Variants in HIVEP2 observed in about 807,000 individuals in gnomAD.
HIVEP2 encodes HIVEP zinc finger 2.
Under a neutral mutation model 180.7 loss-of-function variants are expected in HIVEP2, and 14 were observed. That is an observed-to-expected ratio of 0.08 (90% CI 0.05 to 0.12). The LOEUF (loss-of-function observed/expected upper bound fraction) is 0.12. Ranked by LOEUF, HIVEP2 falls within the 10% of genes least tolerant of loss-of-function variation. The pLI, the probability that HIVEP2 is intolerant of heterozygous loss-of-function variation, is 1.00. For missense variants in HIVEP2, 2,579 were observed against 3,008.5 expected, an observed-to-expected ratio of 0.86 and a Z score of 3.34; for synonymous variants, 1,184 against 1,136.4, an observed-to-expected ratio of 1.04 and a Z score of -0.84.
chr6:142,839,886 TAGA>T (rs2114889392), intron 1 of HIVEP2, among the ~76,000 whole-genome samples: 1 of 152,244 alleles, frequency 6.6e-6, no homozygotes, highest in South Asian at 2.1e-4. Flanking sequence ...GTCATGCAAC[TAGA>T]AGCAGTTTTC....
chr6:142,889,336 A>T (rs527832000), intron 1 of HIVEP2, among the ~76,000 whole-genome samples: 1 of 152,258 alleles, frequency 6.6e-6, no homozygotes, highest in South Asian at 2.1e-4. Flanking sequence ...GGTGGCATGC[A>T]CCTGTAGCCC....
rs1271197297 is a variant in HIVEP2, at chr6:142,771,545, G to A, written c.3194C>T (p.Ala1065Val). ...NLSHAPVSGAAASTVSPSRER... is the reference protein window; with the variant it reads ...NLSHAPVSGAVASTVSPSRER... ...CCTGGACGGTGATACCGTGGAGGCT[G>A]CTGCTCCCGACACAGGAGCATGGGA... Residue 1065 changes from alanine to valine, a missense_variant, in exon 5 of 10, where the codon GCA becomes GTA. Physicochemically the swap from Ala to Val is moderately conservative, Grantham distance 64. This residue lies in a region of HIVEP2 where 523 missense variants were observed against 577.0 expected (regional missense o/e 0.91). Transcript: ENST00000367603. This position sits in a 1 kb window ranked among gnomAD's most constrained non-coding sequence, Gnocchi z 5.4. The A allele has an allele frequency of 3.1e-6, 5 of 1,613,820 alleles. No individual in the cohort carries two copies. Among genetic ancestry groups the A allele is most frequent in the East Asian group, 2.2e-5 (1 of 44,900 alleles).
intron 2 of HIVEP2, among the ~76,000 whole-genome samples, chr6:142,789,599 A>G (rs1272938880): frequency 6.6e-6 from 1 of 152,260 alleles, no homozygotes; most frequent in Non-Finnish European, 1.5e-5. Flanking sequence ...GAACCAGAGA[A>G]GTCAAAAGAC....
At chr6:142,810,506 T>C (rs1248553262) in intron 2 of HIVEP2, among the ~76,000 whole-genome samples, 1 of 152,102 alleles carries the variant, frequency 6.6e-6, no homozygotes, top group Non-Finnish European at 1.5e-5. Context: ...CTCATGCCTG[T>C]AATCCCAGCA....
intron 1 of HIVEP2, among the ~76,000 whole-genome samples, chr6:142,850,799 T>C (rs1325717922): frequency 6.6e-6 from 1 of 152,224 alleles, no homozygotes; most frequent in African/African-American, 2.4e-5. Context: ...CTGCTCACGC[T>C]CCTAGCACAT....
intron 1 of HIVEP2, among the ~76,000 whole-genome samples, chr6:142,885,284 T>C (rs1022977635): frequency 2.6e-5 from 4 of 152,056 alleles, no homozygotes; most frequent in Admixed American, 1.3e-4. Context: ...TGAGCCAGAA[T>C]TGCTGCTGTT....
At chr6:142,810,773 A>C (rs982357839) in intron 2 of HIVEP2, among the ~76,000 whole-genome samples, 9 of 151,758 alleles carry the variant, frequency 5.9e-5, no homozygotes, top group Middle Eastern at 3.4e-3. Context: ...AAAAAAAAAA[A>C]AAAAAACAAA....
chr6:142,818,733 A>AAAAGAAAGAAAGAAAGAAAG (rs766314719), intron 2 of HIVEP2, among the ~76,000 whole-genome samples: 4 of 41,764 alleles, frequency 9.6e-5, no homozygotes, highest in African/African-American at 1.0e-4. Flanking sequence ...AGAAAGAAAG[A>AAAAGAAAGAAAGAAAGAAAG]AAAGAAAGAA....
intron 1 of HIVEP2, among the ~76,000 whole-genome samples, chr6:142,944,220 T>G (rs1168262792): frequency 1.3e-5 from 2 of 152,030 alleles, no homozygotes; most frequent in African/African-American, 4.8e-5. Context: ...AATTTGGGCT[T>G]GGAGGGTTGG....
rs1775530051 is a variant in HIVEP2, at chr6:142,771,171, A to G, written c.3568T>C (p.Phe1190Leu). ...AATGGAATTGTCTCTTGATGTGGAA[A>G]TAAGTGTGGCTGTTCAGGTAAGTGC... ...SKHLPEQPHL[F>L]PHQETIPFSP... Residue 1190 changes from phenylalanine to leucine, a missense_variant, in exon 5 of 10, where the codon TTT becomes CTT. Phe to Leu is a conservative substitution (Grantham distance 22). Transcript: ENST00000367603. The surrounding 1 kb of genome is among the most constrained non-coding windows in gnomAD (Gnocchi z 5.4). 1.2e-6 allele frequency: 2 copies of G among 1,614,228 alleles called. No homozygotes were observed. The highest frequency in any genetic ancestry group is 4.5e-5 in the East Asian group (2 of 44,888).
chr6:142,941,452 A>G (rs928665267), intron 1 of HIVEP2, among the ~76,000 whole-genome samples: 1 of 152,214 alleles, frequency 6.6e-6, no homozygotes, highest in African/African-American at 2.4e-5. Context: ...AAGAGAAAAT[A>G]CTACTTCTCA....
At chr6:142,780,072 T>A (rs1194093204) in intron 3 of HIVEP2, among the ~76,000 whole-genome samples, 2 of 152,262 alleles carry the variant, frequency 1.3e-5, no homozygotes, top group African/African-American at 4.8e-5. Context: ...ACATAGGATC[T>A]TTCTATATTC....
At chr6:142,836,550 A>G (rs193060653) in intron 2 of HIVEP2, among the ~76,000 whole-genome samples, 55 of 152,286 alleles carry the variant, frequency 3.6e-4, no homozygotes, top group African/African-American at 1.2e-3. Flanking sequence ...ATTTACTTCA[A>G]ATGTTCATTA....
At chr6:142,875,885 T>C (rs78012876) in intron 1 of HIVEP2, among the ~76,000 whole-genome samples, 2,562 of 145,430 alleles carry the variant, frequency 0.018, 74 homozygotes, top group African/African-American at 0.063. Context: ...AAATTCATGA[T>C]AGATCCATTA....
intron 1 of HIVEP2, among the ~76,000 whole-genome samples, chr6:142,849,497 G>C (rs758538367): frequency 6.6e-6 from 1 of 151,140 alleles, no homozygotes. Flanking sequence ...TTAGCAGCTA[G>C]AGTGATTCTT....
At chr6:142,793,504 T>C (rs1776189906) in intron 2 of HIVEP2, among the ~76,000 whole-genome samples, 1 of 152,204 alleles carries the variant, frequency 6.6e-6, no homozygotes, top group Non-Finnish European at 1.5e-5. Context: ...TGCTTGATAC[T>C]ATGGGCAGAG....
At chr6:142,806,105 T>C (rs770722936) in intron 2 of HIVEP2, among the ~76,000 whole-genome samples, 6 of 152,228 alleles carry the variant, frequency 3.9e-5, no homozygotes, top group Admixed American at 2.0e-4. Context: ...AGTATTACTG[T>C]ACCTACTGGG....
intron 2 of HIVEP2, among the ~76,000 whole-genome samples, chr6:142,807,135 G>C (rs1318561568): frequency 6.6e-6 from 1 of 152,136 alleles, no homozygotes; most frequent in Non-Finnish European, 1.5e-5. Flanking sequence ...GTGGAACAAT[G>C]GACCAATAGC....
At chr6:142,767,603 C>T (rs548765915) in intron 6 of HIVEP2, among the ~76,000 whole-genome samples, 103 of 152,278 alleles carry the variant, frequency 6.8e-4, no homozygotes, top group African/African-American at 1.1e-3. Flanking sequence ...GTGGTTAGCA[C>T]GCTTCAAAAT....
Sources: allele counts gnomAD v4.1 joint callset (sites outside exome capture counted in the v4.1 genomes callset), GRCh38; gene constraint gnomAD v4.1.1; regional missense constraint gnomAD v4.1.1; non-coding constraint Gnocchi (gnomAD v3.1); transcripts MANE v1.5; gene names NCBI Gene and HGNC (gene_info 2026-07-23, HGNC 2026-07-21).